ACACA: variants seen among roughly 807,000 people sequenced by gnomAD.
The protein encoded by ACACA is acetyl-CoA carboxylase alpha, also known as acetyl-CoA carboxylase 1.
In ACACA, 103 loss-of-function variants were observed where a neutral mutation model predicts 296.1. That is an observed-to-expected ratio of 0.35 (90% CI 0.30 to 0.41). The LOEUF (loss-of-function observed/expected upper bound fraction) is 0.41, where lower values mean the gene tolerates loss of function less well. Ranked by LOEUF, ACACA falls within the 10% of genes least tolerant of loss-of-function variation. The pLI, the probability that ACACA is intolerant of heterozygous loss-of-function variation, is 1.00. For synonymous variants in ACACA, 953 were observed against 1,038.6 expected, an observed-to-expected ratio of 0.92 and a Z score of 1.58; for missense variants, 1,554 against 2,989.7, an observed-to-expected ratio of 0.52 and a Z score of 11.20.
rs935439683 is a variant in ACACA, at chr17:37,129,583, G to A, written c.5824-98C>T. On this transcript the variant is annotated intron_variant, in intron 46 of 55. Transcript: ENST00000616317. Reference sequence around the variant, plus strand: ...TATAGACAAAGACAGCAGGGCCCACGTATGGAATTGCACCCAATAGTCCCA... The same window carrying A: ...TATAGACAAAGACAGCAGGGCCCACATATGGAATTGCACCCAATAGTCCCA... 3.5e-4 allele frequency: 522 copies of A among 1,489,226 alleles called. 1 individual carries two copies. The highest frequency in any genetic ancestry group is 4.2e-4 in the Non-Finnish European group (454 of 1,082,564). 92.3% of individuals were successfully genotyped at this position (1,489,226 alleles called of 1,614,324 possible).
intron 47 of ACACA, among the ~76,000 whole-genome samples, chr17:37,128,295 A>T (rs1032026201): frequency 6.6e-6 from 1 of 152,106 alleles, no homozygotes; most frequent in Non-Finnish European, 1.5e-5. Flanking sequence ...TGATTTTTGT[A>T]AAATAGTTAT....
chr17:37,405,262 C>T (rs2051435432), intron 1 of ACACA, among the ~76,000 whole-genome samples: 1 of 152,128 alleles, frequency 6.6e-6, no homozygotes, highest in African/African-American at 2.4e-5. Flanking sequence ...TAAAACTTGC[C>T]ACATTACTGG....
chr17:37,181,970 A>C (rs1165129650), intron 39 of ACACA, among the ~76,000 whole-genome samples: 1 of 151,882 alleles, frequency 6.6e-6, no homozygotes, highest in Non-Finnish European at 1.5e-5. Flanking sequence ...CGCATCTCAA[A>C]GACAGACTGA....
At chr17:37,254,493 G>T (rs575230678) in intron 14 of ACACA, among the ~76,000 whole-genome samples, 1 of 152,074 alleles carries the variant, frequency 6.6e-6, no homozygotes, top group Non-Finnish European at 1.5e-5. Flanking sequence ...GACTGAGTTA[G>T]TTGACTCATC....
chr17:37,242,820 C>T (rs1324438048), intron 22 of ACACA, among the ~76,000 whole-genome samples: 4 of 152,156 alleles, frequency 2.6e-5, no homozygotes, highest in East Asian at 1.9e-4. Flanking sequence ...GGGCGGATCA[C>T]GAGGTCAGGA....
Position 37,113,018 on chromosome 17 carries a change from T to C in ACACA, c.6452+70A>G. On this transcript the variant is annotated intron_variant, in intron 51 of 55. Coordinates refer to ENST00000616317, the MANE Select transcript of ACACA (RefSeq NM_198834.3). This position sits in a 1 kb window ranked among gnomAD's most constrained non-coding sequence, Gnocchi z 4.0. ...GTGCTGTAGTGCCATGGCTGTAACA[T>C]TCTCCAGGAGGAAACCAACAGCTAC... 6.3e-7 allele frequency: 1 copy of C among 1,586,960 alleles called. No homozygotes were observed. The highest frequency in any genetic ancestry group is 8.6e-7 in the Non-Finnish European group (1 of 1,159,032).
chr17:37,143,878 T>A lies in ACACA; in HGVS notation c.5679+5986A>T, dbSNP rs1240612743. ...AGCCTTCTTTTCATAAGGCTGCTTG[T>A]CATCTGCAGCAGTGTTATTCCACAT... On this transcript the variant is annotated intron_variant, in intron 45 of 55. Coordinates refer to ENST00000616317, the MANE Select transcript of ACACA (RefSeq NM_198834.3). 3.9e-6 allele frequency: 6 copies of A among 1,548,086 alleles called. No individual in the cohort carries two copies. In the African/African-American group the frequency reaches 8.1e-5, roughly 21 times the overall value.
At chr17:37,343,871 A>G (rs1387553794) in intron 1 of ACACA, among the ~76,000 whole-genome samples, 1 of 152,016 alleles carries the variant, frequency 6.6e-6, no homozygotes, top group African/African-American at 2.4e-5. Context: ...GATTCATAAA[A>G]GGATTACAGA....
At chr17:37,149,328 G>T (rs903110886) in intron 45 of ACACA, among the ~76,000 whole-genome samples, 1 of 152,078 alleles carries the variant, frequency 6.6e-6, no homozygotes, top group African/African-American at 2.4e-5. Context: ...TGCCCTTTTC[G>T]AGAGGTGTAT....
At chr17:37,257,890 G>A in intron 13 of ACACA, 24 bp from the exon 14 acceptor site, 3 of 1,612,306 alleles carry the variant, frequency 1.9e-6, no homozygotes, top group Non-Finnish European at 2.5e-6. Context: ...AAGAATGAGA[G>A]ACCATATTAT....
chr17:37,299,189 T>A, intron 3 of ACACA: 2 of 1,333,538 alleles, frequency 1.5e-6, no homozygotes, highest in Non-Finnish European at 2.1e-6. Flanking sequence ...AGAAAAAAAA[T>A]GATCAAATAA....
intron 35 of ACACA, among the ~76,000 whole-genome samples, chr17:37,197,267 C>G (rs904115810): frequency 6.6e-6 from 1 of 152,178 alleles, no homozygotes; most frequent in Non-Finnish European, 1.5e-5. Context: ...TACTCTGGCC[C>G]TCATTTGTCT....
At chr17:37,268,446 A>C (rs547694641) in intron 10 of ACACA, among the ~76,000 whole-genome samples, 15 of 152,156 alleles carry the variant, frequency 9.9e-5, no homozygotes, top group African/African-American at 3.6e-4. Flanking sequence ...TTCTCCCATG[A>C]TGTAGTCAGT....
Position 37,096,992 on chromosome 17 carries a change from C to T in ACACA, c.6891+4G>A, listed in dbSNP as rs564607581. On this transcript the variant is annotated splice_donor_region_variant and intron_variant, in intron 54 of 55. Transcript: ENST00000616317. ...AAAGGCTTCTCTTTGAGTGTCCCAC[C>T]TACCTTCACTGTTCCTTCCACTTCC... 7.4e-6 allele frequency: 12 copies of T among 1,614,090 alleles called. No individual in the cohort carries two copies. In the South Asian group the frequency reaches 1.1e-4, roughly 15 times the overall value.
At chr17:37,181,125 A>C in intron 40 of ACACA, 76 bp downstream of exon 40, 2 of 1,559,586 alleles carry the variant, frequency 1.3e-6, no homozygotes, top group Non-Finnish European at 1.8e-6. Context: ...CCTTCTAGCC[A>C]AAACCGCATC....
At chr17:37,142,010 T>TG (rs1406113729) in intron 45 of ACACA, among the ~76,000 whole-genome samples, 40 of 149,708 alleles carry the variant, frequency 2.7e-4, no homozygotes, top group African/African-American at 9.3e-4. Flanking sequence ...TTGTTTTTTT[T>TG]TGTTTTTTTT....
Position 37,258,367 on chromosome 17 carries a change from T to A in ACACA, c.1507A>T (p.Met503Leu). Residue 503 changes from methionine (M) to leucine (L), a missense_variant, in exon 13 of 56, where the codon ATG (methionine) becomes TTG (leucine). Physicochemically the swap from Met to Leu is conservative, Grantham distance 15. Transcript: ENST00000616317. ...NLPAAQLQIA[M>L]GIPLYRIKDI... ...TTGATTCTATATAGAGGAATCCCCATGGCAATCTGAAAGGTAATAAAACAC... is the reference window on the plus strand; with the variant it reads ...TTGATTCTATATAGAGGAATCCCCAAGGCAATCTGAAAGGTAATAAAACAC... The A allele has an allele frequency of 1.2e-6, 2 of 1,614,020 alleles. No individual in the cohort carries two copies. The highest frequency in any genetic ancestry group is 8.5e-7 in the Non-Finnish European group (1 of 1,179,906).
chr17:37,192,041 T>C, intron 37 of ACACA, 49 bp downstream of exon 37: 1 of 1,564,058 alleles, frequency 6.4e-7, no homozygotes, highest in South Asian at 1.1e-5. Context: ...ATATCTATTA[T>C]TCTGTCCCTT....
At chr17:37,266,223 G>A (rs1188899684) in intron 10 of ACACA, among the ~76,000 whole-genome samples, 1 of 152,066 alleles carries the variant, frequency 6.6e-6, no homozygotes, top group East Asian at 1.9e-4. Flanking sequence ...AGACCAGCCT[G>A]AGCAACATGG....
Sources: allele counts gnomAD v4.1 joint callset (sites outside exome capture counted in the v4.1 genomes callset), GRCh38; gene constraint gnomAD v4.1.1; non-coding constraint Gnocchi (gnomAD v3.1); transcripts MANE v1.5; gene names NCBI Gene and HGNC (gene_info 2026-07-23, HGNC 2026-07-21).